Variants in FHIT observed in about 807,000 individuals in gnomAD.
FHIT encodes fragile histidine triad diadenosine triphosphatase.
In FHIT, 19 loss-of-function variants were observed where a neutral mutation model predicts 17.9. The observed-to-expected ratio is 1.06, with a 90% CI of 0.74 to 1.56. The LOEUF (loss-of-function observed/expected upper bound fraction) is 1.56, where lower values mean the gene tolerates loss of function less well. FHIT is among the 40% of genes most tolerant of loss of function. The pLI, the probability that FHIT is intolerant of heterozygous loss-of-function variation, is 0.00. For missense variants in FHIT, 248 were observed against 189.2 expected, an observed-to-expected ratio of 1.31 and a Z score of -1.82; for synonymous variants, 81 against 69.7, an observed-to-expected ratio of 1.16 and a Z score of -0.81.
intron 5 of FHIT, among the ~76,000 whole-genome samples, chr3:60,075,118 G>A (rs1387346804): frequency 6.6e-6 from 1 of 152,040 alleles, no homozygotes; most frequent in Non-Finnish European, 1.5e-5. Flanking sequence ...CCTATGACCA[G>A]AAACTGCTCA....
At position 60,192,327 on chromosome 3, in the gene FHIT, C is replaced by T. The variant is rs565994012; in HGVS notation, c.104-178175G>A. ...TTTGAAAAAGGTAAACTGAGGGCTG[C>T]TGAAAGCCCTAAAGCAAGGAGACAA... is the stretch of plus-strand genomic sequence containing the variant. On this transcript the variant is annotated intron_variant, in intron 5 of 9. Transcript: ENST00000492590. Among the ~76,000 whole-genome samples, 16 of 151,658 alleles carry T rather than the reference C, an allele frequency of 1.1e-4. 1 individual carries two copies. The highest frequency in any genetic ancestry group is 1.0e-3 in the Admixed American group (16 of 15,244).
intron 7 of FHIT, among the ~76,000 whole-genome samples, chr3:60,004,814 T>C (rs62238370): frequency 0.099 from 15,121 of 152,216 alleles, 969 homozygotes; most frequent in South Asian, 0.21. Flanking sequence ...CTTTTGCAGG[T>C]TGTTGTGAGG....
At chr3:60,236,858 G>A (rs1704825164) in intron 5 of FHIT, among the ~76,000 whole-genome samples, 1 of 152,030 alleles carries the variant, frequency 6.6e-6, no homozygotes, top group South Asian at 2.1e-4. Context: ...CTTTTTCTAT[G>A]CATTTAGCTA....
At chr3:60,136,136 A>G (rs113995327) in intron 5 of FHIT, among the ~76,000 whole-genome samples, 1,637 of 152,214 alleles carry the variant, frequency 0.011, 23 homozygotes, top group African/African-American at 0.037. Flanking sequence ...ATATATATTT[A>G]TCTGTTGGCC....
intron 5 of FHIT, among the ~76,000 whole-genome samples, chr3:60,107,482 G>T (rs181193985): frequency 6.6e-6 from 1 of 152,118 alleles, no homozygotes; most frequent in Admixed American, 6.5e-5. Flanking sequence ...AGTCATTCAC[G>T]AGCTCCACAG....
intron 3 of FHIT, among the ~76,000 whole-genome samples, chr3:60,923,548 T>C (rs1707402255): frequency 6.6e-6 from 1 of 152,218 alleles, no homozygotes; most frequent in Admixed American, 6.5e-5. Flanking sequence ...AAGAGTCTGG[T>C]AATTATGTAT....
chr3:60,067,979 T>A (rs1338269024), intron 5 of FHIT, among the ~76,000 whole-genome samples: 1 of 152,142 alleles, frequency 6.6e-6, no homozygotes, highest in Non-Finnish European at 1.5e-5. Flanking sequence ...CTCACACCTG[T>A]AATCCCAGCA....
chr3:59,813,007 G>A (rs1020732594), intron 8 of FHIT, among the ~76,000 whole-genome samples: 16 of 151,984 alleles, frequency 1.1e-4, no homozygotes, highest in East Asian at 3.9e-4. Flanking sequence ...TCCTAATCAC[G>A]CTTGCAAGCC....
chr3:60,514,528 G>A (rs940545863), intron 5 of FHIT, among the ~76,000 whole-genome samples: 4 of 152,194 alleles, frequency 2.6e-5, no homozygotes, highest in Non-Finnish European at 5.9e-5. Context: ...AGGTTAAATA[G>A]CTAATGCATG....
rs1288842691 is a variant in FHIT, at chr3:60,789,173, TATAGAGAGAG to T, written c.-18+32736_-18+32745del. On this transcript the variant is annotated intron_variant, in intron 4 of 9. Coordinates refer to ENST00000492590, the MANE Select transcript of FHIT (RefSeq NM_002012.4). ...GTGTGTGTGTATATATATATATATA[TATAGAGAGAG>T]AGAGAGAGAGAGAGAGACAGAGGAG... is the stretch of plus-strand genomic sequence containing the variant. 8.0e-3 allele frequency among the ~76,000 whole-genome samples: 787 copies of T among 98,714 alleles called. 4 individuals are homozygous for T. The highest frequency in any genetic ancestry group is 0.016 in the Middle Eastern group (3 of 182). 64.8% of individuals were successfully genotyped at this position (98,714 alleles called of 152,430 possible).
At chr3:60,858,761 G>T (rs1241277750) in intron 3 of FHIT, among the ~76,000 whole-genome samples, 1 of 152,168 alleles carries the variant, frequency 6.6e-6, no homozygotes, top group Non-Finnish European at 1.5e-5. Context: ...CCAGTTTCTT[G>T]AAAGTCTGTG....
chr3:60,809,865 T>C lies in FHIT; in HGVS notation c.-18+12054A>G, dbSNP rs188477983. 1.0e-3 allele frequency among the ~76,000 whole-genome samples: 155 copies of C among 152,312 alleles called. 4 individuals are homozygous for C. In the South Asian group the frequency reaches 0.03, roughly 30 times the overall value. The stretch of plus-strand genomic sequence containing the variant: ...GCTAGTCTCTCTCAACCCTGGCTCA[T>C]ACTAGAATCCCCTGGGGCTTTTAAA... On this transcript the variant is annotated intron_variant, in intron 4 of 9. Transcript: ENST00000492590.
At chr3:60,349,714 CT>C (rs1239112974) in intron 5 of FHIT, among the ~76,000 whole-genome samples, 1 of 152,086 alleles carries the variant, frequency 6.6e-6, no homozygotes, top group Admixed American at 6.6e-5. Context: ...TCAATATTTC[CT>C]TTTAAATTTT....
chr3:59,982,400 A>C (rs1198393665), intron 7 of FHIT, among the ~76,000 whole-genome samples: 3 of 152,182 alleles, frequency 2.0e-5, no homozygotes, highest in Non-Finnish European at 2.9e-5. Context: ...GTGGTTTTAT[A>C]AGCAGTATCC....
chr3:60,019,708 G>A (rs756874815), intron 5 of FHIT, among the ~76,000 whole-genome samples: 16 of 152,106 alleles, frequency 1.1e-4, no homozygotes, highest in Non-Finnish European at 1.5e-4. Flanking sequence ...ATGAGCCGCC[G>A]TGCCCAGCCG....
At chr3:59,985,993 G>A (rs1299948178) in intron 7 of FHIT, among the ~76,000 whole-genome samples, 5 of 152,018 alleles carry the variant, frequency 3.3e-5, no homozygotes, top group African/African-American at 9.7e-5. Flanking sequence ...AGAAAGGATG[G>A]GGGAAGGAAT....
At chr3:59,860,229 T>C (rs1238696398) in intron 8 of FHIT, among the ~76,000 whole-genome samples, 1 of 152,196 alleles carries the variant, frequency 6.6e-6, no homozygotes, top group Non-Finnish European at 1.5e-5. Context: ...CTTTGTTTTC[T>C]GAGAAGACCC....
In FHIT at chr3:60,772,900, C is replaced by T. The variant is rs146429657; in HGVS notation, c.-18+49019G>A. The stretch of plus-strand genomic sequence containing the variant: ...ACTCAGTGTAAGAGGACAGCTTCAA[C>T]TCCCTATGATTAAATCTCCAACCCA... On this transcript the variant is annotated intron_variant, in intron 4 of 9. Coordinates refer to ENST00000492590, the MANE Select transcript of FHIT (RefSeq NM_002012.4). Among the ~76,000 whole-genome samples, 361 of 152,286 alleles carry T rather than the reference C, an allele frequency of 2.4e-3. 1 individual carries two copies. Among genetic ancestry groups the T allele is most frequent in the Admixed American group, 4.1e-3 (62 of 15,296 alleles).
chr3:61,030,227 C>T (rs183761552), intron 3 of FHIT, among the ~76,000 whole-genome samples: 1 of 152,322 alleles, frequency 6.6e-6, no homozygotes, highest in Admixed American at 6.5e-5. Context: ...ACCTCAGCCT[C>T]CCAAATTGCT....
Sources: gnomAD v4.1 joint callset for allele counts (sites outside exome capture counted in the v4.1 genomes callset) on GRCh38, gnomAD v4.1.1 for gene constraint, MANE v1.5 for transcripts, NCBI Gene and HGNC (gene_info 2026-07-23, HGNC 2026-07-21) for gene names.